Variants in CYFIP1 observed in about 807,000 individuals in gnomAD.
CYFIP1 encodes cytoplasmic FMR1 interacting protein 1, also known as cytoplasmic FMR1-interacting protein 1.
Under a neutral mutation model 163.5 loss-of-function variants are expected in CYFIP1, and 58 were observed. That is an observed-to-expected ratio of 0.35 (90% CI 0.29 to 0.44). The LOEUF (loss-of-function observed/expected upper bound fraction) is 0.44. Among genes scored for constraint, CYFIP1 ranks in the 20% least tolerant of loss-of-function variants. The probability of loss-of-function intolerance (pLI) is 1.00; values close to 1 mark genes in which losing one functional copy is unlikely to be tolerated. For missense variants in CYFIP1, 1,338 were observed against 1,653.8 expected (o/e 0.81, Z 3.31); for synonymous variants, 663 against 660.7 (o/e 1.00, Z -0.05).
chr15:22,913,636 G>A (rs2060869725), intron 17 of CYFIP1, among the ~76,000 whole-genome samples: 1 of 139,058 alleles, frequency 7.2e-6, no homozygotes, highest in South Asian at 2.4e-4. Flanking sequence ...AAGAACAAAG[G>A]TGAAGGTCCT....
intron 6 of CYFIP1, 73 bp from the exon 7 acceptor site, chr15:22,939,580 A>AAAC: frequency 1.0e-6 from 1 of 986,372 alleles, no homozygotes; most frequent in South Asian, 1.6e-5. Flanking sequence ...AAAAAAAAAA[A>AAAC]AGCCTGGTTC....
intron 22 of CYFIP1, among the ~76,000 whole-genome samples, chr15:22,900,913 TA>T (rs2060374988): frequency 6.6e-6 from 1 of 151,490 alleles, no homozygotes; most frequent in Non-Finnish European, 1.5e-5. Flanking sequence ...ATGAAGGAGT[TA>T]AAACTCAGCT....
chr15:22,972,567 A>G (rs193222217), intron 1 of CYFIP1, among the ~76,000 whole-genome samples: 15 of 152,360 alleles, frequency 9.8e-5, no homozygotes, highest in African/African-American at 3.6e-4. Context: ...TTTGCAGCCA[A>G]CTGATTTTTA....
At chr15:22,936,817 TC>T (rs1313373462) in intron 9 of CYFIP1, among the ~76,000 whole-genome samples, 1 of 152,164 alleles carries the variant, frequency 6.6e-6, no homozygotes, top group Non-Finnish European at 1.5e-5. Context: ...ACGGGCTTCC[TC>T]CAGGATGCAC....
At chr15:22,970,003 C>G (rs2063036504) in intron 1 of CYFIP1, among the ~76,000 whole-genome samples, 3 of 152,118 alleles carry the variant, frequency 2.0e-5, no homozygotes, top group Admixed American at 6.5e-5. Context: ...CCCAAAGATT[C>G]CATAATAATT....
chr15:22,958,101 T>C (rs2062542641), intron 1 of CYFIP1, among the ~76,000 whole-genome samples: 1 of 145,122 alleles, frequency 6.9e-6, no homozygotes, highest in African/African-American at 2.5e-5. Flanking sequence ...AATTTGCTTT[T>C]TTTTTTTTTT....
chr15:22,919,792 G>A (rs1245599162), intron 13 of CYFIP1, among the ~76,000 whole-genome samples: 6 of 152,140 alleles, frequency 3.9e-5, no homozygotes, highest in Non-Finnish European at 8.8e-5. Context: ...GGAGGCTGAG[G>A]CGGGAGAATC....
intron 22 of CYFIP1, among the ~76,000 whole-genome samples, chr15:22,893,262 G>A (rs2060129656): frequency 1.3e-5 from 2 of 152,202 alleles, no homozygotes; most frequent in African/African-American, 4.8e-5. Flanking sequence ...GGTAGCTCGT[G>A]GGCTCTGCTG....
At chr15:22,978,332 A>C (rs1786022464) in intron 1 of CYFIP1, among the ~76,000 whole-genome samples, 1 of 133,326 alleles carries the variant, frequency 7.5e-6, no homozygotes, top group African/African-American at 2.9e-5. Flanking sequence ...AGTCTGGGCC[A>C]CAGAGTTAAG....
At position 22,872,809 on chromosome 15, in the gene CYFIP1, A is replaced by G; in HGVS notation, c.3597+16T>C. 1.2e-6 allele frequency: 2 copies of G among 1,613,258 alleles called. No individual in the cohort carries two copies. Among genetic ancestry groups the G allele is most frequent in the Non-Finnish European group, 1.7e-6 (2 of 1,179,290 alleles). On this transcript the variant is annotated intron_variant, in intron 30 of 30. Coordinates refer to ENST00000617928, the MANE Select transcript of CYFIP1 (RefSeq NM_014608.6). ...GCAAAAGGTCCATAGATGGTGCGAG[A>G]TTTTCATCCACATACCACATTTTTA...
intron 13 of CYFIP1, among the ~76,000 whole-genome samples, chr15:22,923,981 C>T (rs1465855489): frequency 7.1e-6 from 1 of 141,624 alleles, no homozygotes; most frequent in African/African-American, 2.7e-5. Flanking sequence ...AAAAGAAGTT[C>T]TCAGCAACTT....
rs1332642552 is a variant in CYFIP1, at chr15:22,868,693, G to A, written c.*1335C>T. The A allele has an allele frequency of 6.6e-6, 1 of 151,590 alleles. No individual in the cohort carries two copies. Among genetic ancestry groups the A allele is most frequent in the Non-Finnish European group, 1.5e-5 (1 of 68,006 alleles). 9.4% of individuals were successfully genotyped at this position (151,590 alleles called of 1,614,324 possible). A position where few individuals can be genotyped will look rare whatever the true frequency, so the allele number is the denominator to read the frequency against. On this transcript the variant is annotated 3_prime_UTR_variant, in exon 31 of 31. Coordinates refer to ENST00000617928, the MANE Select transcript of CYFIP1 (RefSeq NM_014608.6). ...TGGTTCGTACACTTACTACTTTTCT[G>A]TGCCGTGCATCATATGCTTCTGGAC...
At position 22,938,967 on chromosome 15, in the gene CYFIP1, G is replaced by A. The variant is rs569613876; in HGVS notation, c.795+225C>T. Among the ~76,000 whole-genome samples the A allele has an allele frequency of 1.1e-4, 16 of 149,074 alleles. 1 individual carries two copies. In the South Asian group the frequency reaches 2.4e-3, roughly 22 times the overall value. ...AAAAAAAGCTGAGAATCCTTGACCC[G>A]GACCTCCTGGCCAGCACCTTCTCCC... On this transcript the variant is annotated intron_variant, in intron 8 of 30. Coordinates refer to ENST00000617928, the MANE Select transcript of CYFIP1 (RefSeq NM_014608.6).
chr15:22,961,219 A>C (rs2062670313), intron 1 of CYFIP1, among the ~76,000 whole-genome samples: 1 of 151,666 alleles, frequency 6.6e-6, no homozygotes, highest in Non-Finnish European at 1.5e-5. Flanking sequence ...ACGGGGTTTC[A>C]CCATGTTGGC....
chr15:22,951,014 A>G (rs1427945592), intron 1 of CYFIP1, among the ~76,000 whole-genome samples: 1 of 152,228 alleles, frequency 6.6e-6, no homozygotes, highest in African/African-American at 2.4e-5. Flanking sequence ...CGTCACTGGT[A>G]TGCAAGTACG....
chr15:22,947,031 A>G lies in CYFIP1; in HGVS notation c.179T>C (p.Ile60Thr). 1 of 1,614,124 alleles carries G rather than the reference A, an allele frequency of 6.2e-7. No individual in the cohort carries two copies. Among genetic ancestry groups the G allele is most frequent in the Non-Finnish European group, 8.5e-7 (1 of 1,179,960 alleles). Residue 60 changes from isoleucine to threonine, a missense_variant, in exon 3 of 31, where the codon ATT becomes ACT. Physicochemically the swap from Ile to Thr is moderately conservative, Grantham distance 89. Transcript: ENST00000617928. ...NAFVTGIARY[I>T]EQATVHSSMN... ...GCTAGAGTGGACGGTGGCTTGTTCAATGTATCTTGCGATGCCAGTAACAAA... is the reference window on the plus strand; with the variant it reads ...GCTAGAGTGGACGGTGGCTTGTTCAGTGTATCTTGCGATGCCAGTAACAAA...
chr15:22,917,153 A>C lies in CYFIP1; in HGVS notation c.1675-523T>G. On this transcript the variant is annotated intron_variant, in intron 15 of 30. Coordinates refer to ENST00000617928, the MANE Select transcript of CYFIP1 (RefSeq NM_014608.6). This position sits in a 1 kb window ranked among gnomAD's most constrained non-coding sequence, Gnocchi z 4.2. ...AGGGAGGGTGGCTGGCACCACGCAC[A>C]GGCCGAGGGCCGTCCCCCTGACCCT... 1 of 1,440,780 alleles carries C rather than the reference A, an allele frequency of 6.9e-7. No homozygotes were observed. Among genetic ancestry groups the C allele is most frequent in the Non-Finnish European group, 9.1e-7 (1 of 1,103,950 alleles). 89.2% of individuals were successfully genotyped at this position (1,440,780 alleles called of 1,614,324 possible).
At chr15:22,966,788 G>A (rs2062924643) in intron 1 of CYFIP1, among the ~76,000 whole-genome samples, 1 of 151,540 alleles carries the variant, frequency 6.6e-6, no homozygotes, top group African/African-American at 2.4e-5. Flanking sequence ...CCGCTTGGCA[G>A]CATGTGGAAA....
chr15:22,874,724 A>C (rs560344698), intron 27 of CYFIP1, 80 bp from the exon 28 acceptor site: 2 of 963,962 alleles, frequency 2.1e-6, no homozygotes, highest in African/African-American at 3.4e-5. Flanking sequence ...TTGTTTAAAA[A>C]ACAAAAGATT....
Sources: allele counts gnomAD v4.1 joint callset (sites outside exome capture counted in the v4.1 genomes callset), GRCh38; gene constraint gnomAD v4.1.1; non-coding constraint Gnocchi (gnomAD v3.1); transcripts MANE v1.5; gene names NCBI Gene and HGNC (gene_info 2026-07-23, HGNC 2026-07-21).